Variants in PALM2AKAP2 observed in about 807,000 individuals in gnomAD.
PALM2AKAP2 encodes PALM2-AKAP2 fusion protein.
A neutral mutation model predicts 71.5 loss-of-function variants in PALM2AKAP2; 37 were observed. The ratio of observed to expected loss-of-function variants is 0.52; its 90% CI spans 0.40 to 0.68. PALM2AKAP2 has a LOEUF of 0.68. Among genes scored for constraint, PALM2AKAP2 ranks in the 30% least tolerant of loss-of-function variants. PALM2AKAP2 has a pLI of 0.00. For missense variants in PALM2AKAP2, 1,224 were observed against 1,191.8 expected (o/e 1.03, Z -0.40); for synonymous variants, 468 against 478.8 (o/e 0.98, Z 0.29).
chr9:109,789,266 C>A (rs1252390990), intron 1 of PALM2AKAP2, among the ~76,000 whole-genome samples: 6 of 152,180 alleles, frequency 3.9e-5, no homozygotes, highest in Non-Finnish European at 8.8e-5. Context: ...TAGATGAAGA[C>A]ATCAAATAGC....
At chr9:109,810,190 TG>T (rs1476631087) in intron 1 of PALM2AKAP2, among the ~76,000 whole-genome samples, 3 of 152,170 alleles carry the variant, frequency 2.0e-5, no homozygotes, top group African/African-American at 7.2e-5. Flanking sequence ...AAGAGACGTC[TG>T]GGCTGGCTGT....
chr9:109,792,900 C>A (rs1827156276), intron 1 of PALM2AKAP2, among the ~76,000 whole-genome samples: 1 of 152,156 alleles, frequency 6.6e-6, no homozygotes, highest in Non-Finnish European at 1.5e-5. Context: ...TCACATTTAA[C>A]AGGACATTCC....
intron 1 of PALM2AKAP2, among the ~76,000 whole-genome samples, chr9:109,859,987 A>G (rs1238778956): frequency 6.6e-6 from 1 of 152,268 alleles, no homozygotes; most frequent in Non-Finnish European, 1.5e-5. Context: ...AGCAAGTACC[A>G]TCTCTCCATT....
At chr9:109,772,517 C>T (rs1362219433) in intron 1 of PALM2AKAP2, among the ~76,000 whole-genome samples, 1 of 152,238 alleles carries the variant, frequency 6.6e-6, no homozygotes, top group African/African-American at 2.4e-5. Flanking sequence ...CTGTTTCCTT[C>T]TCTTCTGCTT....
intron 1 of PALM2AKAP2, among the ~76,000 whole-genome samples, chr9:109,794,719 TCTTACTCAAAAACA>T (rs1827204539): frequency 1.3e-5 from 2 of 152,222 alleles, no homozygotes; most frequent in African/African-American, 4.8e-5. Flanking sequence ...CTCTTCCATT[TCTTACTCAAAAACA>T]CCAGCTACAA....
At chr9:110,138,038 C>A (rs1470300275) in exon 2 of PALM2AKAP2, 1 of 1,613,544 alleles carries the variant, frequency 6.2e-7, no homozygotes, top group African/African-American at 1.3e-5. Flanking sequence ...AGCAGAGCAA[C>A]AGGGACCTGA....
chr9:109,842,723 A>C (rs983818607), intron 1 of PALM2AKAP2, among the ~76,000 whole-genome samples: 25 of 152,194 alleles, frequency 1.6e-4, no homozygotes, highest in African/African-American at 2.4e-5. Context: ...AAGAAGTTCA[A>C]AATTATCAAG....
At chr9:109,796,312 A>T (rs1285853790) in intron 1 of PALM2AKAP2, among the ~76,000 whole-genome samples, 1 of 152,244 alleles carries the variant, frequency 6.6e-6, no homozygotes, top group Non-Finnish European at 1.5e-5. Flanking sequence ...GAAAACTGTG[A>T]TAGATAACAT....
intron 1 of PALM2AKAP2, among the ~76,000 whole-genome samples, chr9:109,818,204 C>T (rs1827900759): frequency 1.3e-5 from 2 of 152,078 alleles, no homozygotes; most frequent in South Asian, 4.1e-4. Context: ...ATAAATAAGC[C>T]TTTCGAAAAA....
At position 110,084,176 on chromosome 9, in the gene PALM2AKAP2, A is replaced by G. The variant is rs138809548; in HGVS notation, c.156+35321A>G. On this transcript the variant is annotated intron_variant, in intron 1 of 3. Transcript: ENST00000374525. ...TTAGCAAGAGCTATATAAAACACTA[A>G]GCAAAGGTGGGGAAATACTGTTACT... is the stretch of plus-strand genomic sequence containing the variant. Among the ~76,000 whole-genome samples the G allele has an allele frequency of 6.5e-3, 988 of 152,346 alleles. 11 individuals carry two copies. Among genetic ancestry groups the G allele is most frequent in the African/African-American group, 0.022 (916 of 41,580 alleles).
In PALM2AKAP2 at chr9:109,974,666, C is replaced by T. The variant is rs574542350; in HGVS notation, c.497-41288C>T. On this transcript the variant is annotated intron_variant, in intron 6 of 9. Coordinates refer to the PALM2AKAP2 transcript ENST00000302798. ...CCCTGCAATGGTTTACAAAGTGTAC[C>T]GCAATAGTAAGAAATACCATTTTCT... is the stretch of plus-strand genomic sequence containing the variant. Among the ~76,000 whole-genome samples the T allele has an allele frequency of 1.1e-4, 17 of 152,210 alleles. No individual in the cohort carries two copies. The South Asian group carries it at 2.5e-3, about 22-fold the overall frequency.
intron 6 of PALM2AKAP2, among the ~76,000 whole-genome samples, chr9:109,980,945 G>C (rs1288598537): frequency 6.6e-6 from 1 of 152,232 alleles, no homozygotes; most frequent in African/African-American, 2.4e-5. Context: ...CAGCTGGGGT[G>C]CCTCCCAGCT....
In PALM2AKAP2 at chr9:110,137,746, C is replaced by T. The variant is rs763818224; in HGVS notation, c.1776C>T (p.Ser592=). Reference sequence around the variant, plus strand: ...TCAGCATGGACAACATCAGTGACAGCGGGGCATCCAATGAGACAACCAATG... The same window carrying T: ...TCAGCATGGACAACATCAGTGACAGTGGGGCATCCAATGAGACAACCAATG... Residue 592 remains serine, a synonymous_variant, in exon 2 of 4, where the codon AGC becomes AGT. Coordinates refer to ENST00000374525, the Ensembl canonical transcript of PALM2AKAP2. 108 of 1,614,004 alleles carry T rather than the reference C, an allele frequency of 6.7e-5. No individual in the cohort carries two copies. In the Admixed American group the frequency reaches 1.4e-3, roughly 20 times the overall value.
upstream of PALM2AKAP2, among the ~76,000 whole-genome samples, chr9:109,775,860 A>C (rs552834729): frequency 6.6e-6 from 1 of 152,348 alleles, no homozygotes; most frequent in Admixed American, 6.5e-5. Context: ...ATAGATTCTG[A>C]AATTTTTATT....
chr9:109,836,585 T>C (rs945699937), intron 1 of PALM2AKAP2, among the ~76,000 whole-genome samples: 50 of 152,282 alleles, frequency 3.3e-4, no homozygotes, highest in African/African-American at 1.2e-3. Flanking sequence ...TTCTCCGAGC[T>C]AAAGGAGGAA....
chr9:109,720,453 A>G (rs575535871), intron 1 of PALM2AKAP2, among the ~76,000 whole-genome samples: 3 of 152,220 alleles, frequency 2.0e-5, no homozygotes, highest in Non-Finnish European at 4.4e-5. Context: ...AGATCCTCAG[A>G]GCTGGAAGTC....
In PALM2AKAP2 at chr9:109,744,904, C is replaced by T. The variant is rs759422038; in HGVS notation, c.6-35584C>T. On this transcript the variant is annotated intron_variant, in intron 1 of 6. Coordinates refer to the PALM2AKAP2 transcript ENST00000374531. ...ATTTTGGCACACTTCTTGCTCTCTC[C>T]TCTCTTCCGGAAGACTCTAGGACTA... 5.9e-5 allele frequency among the ~76,000 whole-genome samples: 9 copies of T among 152,182 alleles called. 1 individual carries two copies. The highest frequency in any genetic ancestry group is 4.4e-5 in the Non-Finnish European group (3 of 68,032).
chr9:109,795,660 G>A (rs564879351), intron 1 of PALM2AKAP2, among the ~76,000 whole-genome samples: 1 of 152,268 alleles, frequency 6.6e-6, no homozygotes, highest in African/African-American at 2.4e-5. Context: ...GTCTTCCATG[G>A]GCAAGAGATG....
chr9:109,923,756 G>A (rs749458676), exon 4 of PALM2AKAP2: 9 of 1,599,904 alleles, frequency 5.6e-6, no homozygotes, highest in African/African-American at 4.1e-5. Context: ...AAATACAAAC[G>A]CTAGAAAGTG....
Sources: allele counts gnomAD v4.1 joint callset (sites outside exome capture counted in the v4.1 genomes callset), GRCh38; gene constraint gnomAD v4.1.1; transcripts MANE v1.5; gene names NCBI Gene and HGNC (gene_info 2026-07-23, HGNC 2026-07-21).